PGAP1: variants seen among roughly 807,000 people sequenced by gnomAD.
PGAP1 encodes post-GPI attachment to proteins inositol deacylase 1.
In PGAP1, 76 loss-of-function variants were observed where a neutral mutation model predicts 127.0. The ratio of observed to expected loss-of-function variants is 0.60; its 90% CI spans 0.50 to 0.72. The LOEUF is 0.72. Ranked by LOEUF, PGAP1 falls within the 30% of genes least tolerant of loss-of-function variation. The probability of loss-of-function intolerance (pLI) is 0.00; values close to 1 mark genes in which losing one functional copy is unlikely to be tolerated. For missense variants in PGAP1, 982 were observed against 1,071.3 expected, an observed-to-expected ratio of 0.92 and a Z score of 1.16; for synonymous variants, 362 against 366.5, an observed-to-expected ratio of 0.99 and a Z score of 0.14.
chr2:196,920,193 A>G, intron 1 of PGAP1, 43 bp from the exon 2 acceptor site: 1 of 1,544,990 alleles, frequency 6.5e-7, no homozygotes, highest in Non-Finnish European at 8.8e-7. Flanking sequence ...CAGTTTTATT[A>G]ATACAATTCA....
intron 20 of PGAP1, 140 bp downstream of exon 20, chr2:196,864,847 G>A (rs1413019562): frequency 4.8e-6 from 2 of 414,926 alleles, no homozygotes; most frequent in Non-Finnish European, 8.6e-6. Context: ...ATAATAAAAA[G>A]GGAGTTCTAA....
chr2:196,875,642 C>A, intron 14 of PGAP1, 104 bp downstream of exon 14: 1 of 673,558 alleles, frequency 1.5e-6, no homozygotes, highest in South Asian at 1.7e-5. Context: ...ATTCTAAGAA[C>A]TATACTTGAA....
rs1700625092 is a variant in PGAP1 at position 196,848,551 on chromosome 2, T to TCA, written c.1862-516_1862-515dup. On this transcript the variant is annotated intron_variant, in intron 20 of 26. Coordinates refer to ENST00000354764, the MANE Select transcript of PGAP1 (RefSeq NM_024989.4). ...TTCTGAACACTTCACATACATGGAA[T>TCA]CATAATATGTGGTCTTTTGTGATGG... Among the ~76,000 whole-genome samples the TCA allele has an allele frequency of 3.3e-5, 5 of 152,314 alleles. No homozygotes were observed. In the East Asian group the frequency reaches 9.6e-4, roughly 29 times the overall value.
chr2:196,917,404 A>G (rs1464123469), intron 2 of PGAP1, among the ~76,000 whole-genome samples: 1 of 152,130 alleles, frequency 6.6e-6, no homozygotes, highest in Non-Finnish European at 1.5e-5. Flanking sequence ...TATATTCACC[A>G]TCTCTGGTAT....
Position 196,898,355 on chromosome 2 carries a change from A to C in PGAP1, c.822T>G (p.Pro274=). Residue 274 remains proline, a synonymous_variant, in exon 6 of 27, where the codon CCT becomes CCG. Coordinates refer to ENST00000354764, the MANE Select transcript of PGAP1 (RefSeq NM_024989.4). Reference sequence around the variant, plus strand: ...GGTGGTCTGTTGAGACCCAGGTCTTAGGCACTGCTGAACTCTAAAAGAAAA... The same window carrying C: ...GGTGGTCTGTTGAGACCCAGGTCTTCGGCACTGCTGAACTCTAAAAGAAAA... ...SALSVVSSAV[P]KTWVSTDHLS... 6.2e-7 allele frequency: 1 copy of C among 1,610,116 alleles called. No individual in the cohort carries two copies. The highest frequency in any genetic ancestry group is 8.5e-7 in the Non-Finnish European group (1 of 1,177,126).
rs1702078114 is a variant in PGAP1, at chr2:196,890,918, AAAG to A, written c.1090-10_1090-8del. 7.0e-7 allele frequency: 1 copy of A among 1,419,316 alleles called. No homozygotes were observed. The highest frequency in any genetic ancestry group is 1.0e-6 in the Non-Finnish European group (1 of 1,004,592). The allele number at this position is 1,419,316 out of a possible 1,614,324, so 87.9% of individuals were successfully genotyped here. A position where few individuals can be genotyped will look rare whatever the true frequency, so the allele number is the denominator to read the frequency against. On this transcript the variant is annotated splice_polypyrimidine_tract_variant and splice_region_variant and intron_variant, in intron 9 of 26. Transcript: ENST00000354764. Reference sequence around the variant, plus strand: ...AATATATCTTCTCAGATTCCTACAAAAAGAAGGAAAACACTCAATATAGCTGTA... The same window carrying A: ...AATATATCTTCTCAGATTCCTACAAAAAGGAAAACACTCAATATAGCTGTA...
Position 196,926,255 on chromosome 2 carries a change from TAACA to T in PGAP1, c.147+211_147+214del, listed in dbSNP as rs372159603. Among the ~76,000 whole-genome samples the T allele has an allele frequency of 5.6e-3, 848 of 150,162 alleles. 3 individuals carry two copies. Among genetic ancestry groups the T allele is most frequent in the African/African-American group, 0.02 (812 of 40,766 alleles). ...ACGAGGATGCTCTCGGGAAATCGTC[TAACA>T]AACACCCCACCGTGAAGAAGGGACA... On this transcript the variant is annotated intron_variant, in intron 1 of 26. Coordinates refer to ENST00000354764, the MANE Select transcript of PGAP1 (RefSeq NM_024989.4).
chr2:196,871,738 T>C (rs1474757355), intron 18 of PGAP1, among the ~76,000 whole-genome samples: 1 of 152,208 alleles, frequency 6.6e-6, no homozygotes, highest in African/African-American at 2.4e-5. Context: ...TAGTTTATCC[T>C]TGAAAAGTTA....
intron 5 of PGAP1, among the ~76,000 whole-genome samples, chr2:196,902,134 C>T (rs182101183): frequency 8.5e-5 from 13 of 152,292 alleles, no homozygotes; most frequent in Admixed American, 2.0e-4. Flanking sequence ...ATTCTCTTGC[C>T]TCAACCTCCT....
At chr2:196,891,320 T>C (rs1027008545) in intron 9 of PGAP1, among the ~76,000 whole-genome samples, 6 of 152,188 alleles carry the variant, frequency 3.9e-5, no homozygotes, top group Non-Finnish European at 7.4e-5. Flanking sequence ...CTTAAAGAAA[T>C]AGCTGATTCA....
chr2:196,912,675 G>C (rs1702869787), intron 4 of PGAP1, among the ~76,000 whole-genome samples: 1 of 148,240 alleles, frequency 6.7e-6, no homozygotes, highest in Non-Finnish European at 1.5e-5. Flanking sequence ...GCTATGGACA[G>C]ACAAAACTTA....
intron 1 of PGAP1, 59 bp from the exon 2 acceptor site, chr2:196,920,209 A>G: frequency 6.9e-7 from 1 of 1,451,210 alleles, no homozygotes; most frequent in Non-Finnish European, 9.3e-7. Context: ...ATTCAGCCTC[A>G]CCATATGCAA....
chr2:196,867,160 T>C (rs994235706), intron 19 of PGAP1, among the ~76,000 whole-genome samples: 10 of 152,278 alleles, frequency 6.6e-5, no homozygotes, highest in African/African-American at 2.4e-4. Context: ...TATAAATCAT[T>C]CTACTATAAA....
At position 196,875,840 on chromosome 2, in the gene PGAP1, A is replaced by T; in HGVS notation, c.1351-19T>A. The T allele has an allele frequency of 1.6e-6, 2 of 1,235,046 alleles. No homozygotes were observed. The highest frequency in any genetic ancestry group is 2.3e-6 in the Non-Finnish European group (2 of 854,920). 76.5% of individuals were successfully genotyped at this position (1,235,046 alleles called of 1,614,324 possible). A position where few individuals can be genotyped will look rare whatever the true frequency, so the allele number is the denominator to read the frequency against. On this transcript the variant is annotated intron_variant, in intron 13 of 26. Coordinates refer to ENST00000354764, the MANE Select transcript of PGAP1 (RefSeq NM_024989.4). Reference sequence around the variant, plus strand: ...CAACAAACTGAAATATAAAACATTGATTTATTAGAAAAAGTAAGTTAAATT... The same window carrying T: ...CAACAAACTGAAATATAAAACATTGTTTTATTAGAAAAAGTAAGTTAAATT...
At chr2:196,923,555 C>G (rs934693313) in intron 1 of PGAP1, among the ~76,000 whole-genome samples, 1 of 152,174 alleles carries the variant, frequency 6.6e-6, no homozygotes, top group African/African-American at 2.4e-5. Flanking sequence ...CTTTCACCTA[C>G]ACCAAGTAGC....
At position 196,885,420 on chromosome 2, in the gene PGAP1, T is replaced by A. The variant is rs1201276304; in HGVS notation, c.1272+4A>T. ...AATATTAAAATTCTGAAGCCATAAT[T>A]TACCTTAATTGTTGGCAGCAGTTCA... On this transcript the variant is annotated splice_donor_region_variant and intron_variant, in intron 12 of 26. Transcript: ENST00000354764. 1 of 1,588,242 alleles carries A rather than the reference T, an allele frequency of 6.3e-7. No individual in the cohort carries two copies. Among genetic ancestry groups the A allele is most frequent in the Non-Finnish European group, 8.6e-7 (1 of 1,164,326 alleles).
intron 9 of PGAP1, 136 bp from the exon 10 acceptor site, chr2:196,891,047 A>C: frequency 1.8e-6 from 1 of 559,874 alleles, no homozygotes; most frequent in Non-Finnish European, 3.3e-6. Context: ...ATTCTCTAGG[A>C]GTGGGAGAAG....
chr2:196,870,864 A>G (rs1024919665), intron 19 of PGAP1, 77 bp downstream of exon 19: 2 of 1,287,848 alleles, frequency 1.6e-6, no homozygotes, highest in South Asian at 1.3e-5. Context: ...CCCCTTATGG[A>G]AAAAGTCTAC....
rs1430819679 is a variant in PGAP1 at position 196,836,161 on chromosome 2, C to T, written c.*5073G>A. 1 of 152,468 alleles carries T rather than the reference C, an allele frequency of 6.6e-6. No homozygotes were observed. Among genetic ancestry groups the T allele is most frequent in the Admixed American group, 6.6e-5 (1 of 15,264 alleles). 9.4% of individuals were successfully genotyped at this position (152,468 alleles called of 1,614,324 possible). A position where few individuals can be genotyped will look rare whatever the true frequency, so the allele number is the denominator to read the frequency against. ...TGTACAGAATGAGTACAGACAGATT[C>T]TGACTCATATATCAAGTCCTATACA... On this transcript the variant is annotated 3_prime_UTR_variant, in exon 27 of 27. Coordinates refer to ENST00000354764, the MANE Select transcript of PGAP1 (RefSeq NM_024989.4).
Sources: allele counts gnomAD v4.1 joint callset (sites outside exome capture counted in the v4.1 genomes callset), GRCh38; gene constraint gnomAD v4.1.1; transcripts MANE v1.5; gene names NCBI Gene and HGNC (gene_info 2026-07-23, HGNC 2026-07-21).